GPR39: variants seen among roughly 807,000 people sequenced by gnomAD.
GPR39 encodes zinc sensing receptor.
GPR39 carries 23 observed loss-of-function variants against 18.4 expected under a neutral mutation model. The observed-to-expected ratio is 1.25, with a 90% CI of 0.90 to 1.77. The LOEUF (loss-of-function observed/expected upper bound fraction) is 1.77, where lower values mean the gene tolerates loss of function less well. GPR39 is among the 40% of genes most tolerant of loss of function. The pLI is 0.00. For missense variants in GPR39, 647 were observed against 602.4 expected (o/e 1.07, Z -0.78); for synonymous variants, 280 against 257.9 (o/e 1.09, Z -0.82).
At position 132,439,920 on chromosome 2, in the gene GPR39, A is replaced by G. The variant is rs72999253; in HGVS notation, c.856+22022A>G. ...GTTTCTCACAGCATGCCCACTTCCT[A>G]TGGGGCTGCTCCAGGCTGCCTCCCA... On this transcript the variant is annotated intron_variant, in intron 1 of 1. Transcript: ENST00000329321. Among the ~76,000 whole-genome samples the G allele has an allele frequency of 2.5e-3, 380 of 152,224 alleles. 2 individuals carry two copies. Among genetic ancestry groups the G allele is most frequent in the African/African-American group, 8.7e-3 (363 of 41,534 alleles).
At chr2:132,633,750 GC>G (rs1186160211) in intron 1 of GPR39, among the ~76,000 whole-genome samples, 1 of 152,074 alleles carries the variant, frequency 6.6e-6, no homozygotes, top group African/African-American at 2.4e-5. Context: ...AGAGGTGAAT[GC>G]TTGGTGATTG....
chr2:132,599,133 G>A (rs528603462), intron 1 of GPR39, among the ~76,000 whole-genome samples: 1 of 152,142 alleles, frequency 6.6e-6, no homozygotes, highest in East Asian at 1.9e-4. Flanking sequence ...GTTATAAAGG[G>A]GGTGGAGGAA....
intron 1 of GPR39, among the ~76,000 whole-genome samples, chr2:132,497,304 C>T (rs1681660559): frequency 6.6e-6 from 1 of 152,144 alleles, no homozygotes; most frequent in Admixed American, 6.5e-5. Context: ...TTGGGTCCTC[C>T]CATCCTTTCC....
chr2:132,628,972 T>G (rs1681601496), intron 1 of GPR39, among the ~76,000 whole-genome samples: 1 of 152,078 alleles, frequency 6.6e-6, no homozygotes, highest in Admixed American at 6.5e-5. Context: ...AATTCATCAC[T>G]CATGTGGTTG....
At chr2:132,639,887 C>G (rs1480829960) in intron 1 of GPR39, among the ~76,000 whole-genome samples, 1 of 151,956 alleles carries the variant, frequency 6.6e-6, no homozygotes, top group Non-Finnish European at 1.5e-5. Context: ...ATGGTCAGCA[C>G]TTGAGTCTAA....
At chr2:132,596,330 CT>C (rs555996170) in intron 1 of GPR39, among the ~76,000 whole-genome samples, 71 of 151,818 alleles carry the variant, frequency 4.7e-4, no homozygotes, top group Non-Finnish European at 9.4e-4. Context: ...GTTTTCCTTA[CT>C]CCCCTTTTCC....
chr2:132,461,791 G>A (rs1680837191), intron 1 of GPR39, among the ~76,000 whole-genome samples: 1 of 152,156 alleles, frequency 6.6e-6, no homozygotes, highest in South Asian at 2.1e-4. Flanking sequence ...CAAGCACCTT[G>A]TGCCCAGGCT....
intron 1 of GPR39, among the ~76,000 whole-genome samples, chr2:132,633,156 C>G (rs1002769912): frequency 6.6e-6 from 1 of 152,112 alleles, no homozygotes; most frequent in East Asian, 1.9e-4. Context: ...CATCCCTGCC[C>G]CTTGTCATTT....
At chr2:132,546,914 G>A (rs1480743888) in intron 1 of GPR39, among the ~76,000 whole-genome samples, 1 of 151,176 alleles carries the variant, frequency 6.6e-6, no homozygotes, top group Admixed American at 6.6e-5. Context: ...GGAGGAAAGG[G>A]CTGGCTGACA....
chr2:132,497,396 G>T lies in GPR39; in HGVS notation c.856+79498G>T, dbSNP rs953568248. On this transcript the variant is annotated intron_variant, in intron 1 of 1. Coordinates refer to ENST00000329321, the MANE Select transcript of GPR39 (RefSeq NM_001508.3). ...AGAGAGGAAGAGTGGGTTCTGGGTG[G>T]GTGGGAGAATCCGAAAGGAAAAGGT... Among the ~76,000 whole-genome samples the T allele has an allele frequency of 3.3e-5, 5 of 152,214 alleles. No individual in the cohort carries two copies. The East Asian group carries it at 9.7e-4, about 29-fold the overall frequency.
intron 1 of GPR39, among the ~76,000 whole-genome samples, chr2:132,492,490 C>CACCATAT: frequency 7.1e-6 from 1 of 141,342 alleles, no homozygotes; most frequent in East Asian, 2.2e-4. Flanking sequence ...CATATATATA[C>CACCATAT]ACCATATATA....
chr2:132,641,992 TTCC>T (rs1681864787), intron 1 of GPR39, among the ~76,000 whole-genome samples: 1 of 152,238 alleles, frequency 6.6e-6, no homozygotes, highest in Non-Finnish European at 1.5e-5. Context: ...GAGCCTGCAC[TTCC>T]TCATTTGTTA....
At chr2:132,492,423 T>C (rs532448013) in intron 1 of GPR39, among the ~76,000 whole-genome samples, 134 of 143,536 alleles carry the variant, frequency 9.3e-4, no homozygotes, top group African/African-American at 3.1e-3. Context: ...ATATATACCA[T>C]ATATACACCA....
chr2:132,493,129 AT>A (rs1404671671), intron 1 of GPR39, among the ~76,000 whole-genome samples: 1 of 144,492 alleles, frequency 6.9e-6, no homozygotes, highest in Non-Finnish European at 1.5e-5. Flanking sequence ...CATTCCATAT[AT>A]ATACCATATA....
At chr2:132,569,989 G>A (rs116451842) in intron 1 of GPR39, among the ~76,000 whole-genome samples, 1 of 152,156 alleles carries the variant, frequency 6.6e-6, no homozygotes, top group Non-Finnish European at 1.5e-5. Flanking sequence ...CCCAGTCTCG[G>A]GTTTGTCTTT....
chr2:132,446,193 C>T (rs754089574), intron 1 of GPR39, among the ~76,000 whole-genome samples: 2 of 152,338 alleles, frequency 1.3e-5, no homozygotes, highest in Non-Finnish European at 2.9e-5. Context: ...AGACTCTATA[C>T]TGAGTGCCCA....
intron 1 of GPR39, among the ~76,000 whole-genome samples, chr2:132,622,285 T>A (rs1441506930): frequency 6.6e-6 from 1 of 152,058 alleles, no homozygotes; most frequent in East Asian, 1.9e-4. Context: ...TCCCACCTAC[T>A]GTGGAGGCTG....
rs778869005 is a variant in GPR39, at chr2:132,463,913, T to C, written c.856+46015T>C. Among the ~76,000 whole-genome samples the C allele has an allele frequency of 4.6e-5, 7 of 152,172 alleles. 1 individual carries two copies. Among genetic ancestry groups the C allele is most frequent in the Non-Finnish European group, 7.3e-5 (5 of 68,028 alleles). On this transcript the variant is annotated intron_variant, in intron 1 of 1. Coordinates refer to ENST00000329321, the MANE Select transcript of GPR39 (RefSeq NM_001508.3). Reference sequence around the variant, plus strand: ...GGTGCAGGCTGCAGGCTTGGACATTTTGATGTCTTCATCCTCTAGGAGGCC... The same window carrying C: ...GGTGCAGGCTGCAGGCTTGGACATTCTGATGTCTTCATCCTCTAGGAGGCC...
intron 1 of GPR39, among the ~76,000 whole-genome samples, chr2:132,565,167 T>C (rs1680326206): frequency 6.6e-6 from 1 of 152,062 alleles, no homozygotes; most frequent in Non-Finnish European, 1.5e-5. Context: ...TCTGATTTAG[T>C]GGCGTGACGA....
Sources: allele counts gnomAD v4.1 joint callset (sites outside exome capture counted in the v4.1 genomes callset), GRCh38; gene constraint gnomAD v4.1.1; transcripts MANE v1.5; gene names NCBI Gene and HGNC (gene_info 2026-07-23, HGNC 2026-07-21).